The following FGD4 variants were observed in gnomAD, a reference collection of about 807,000 sequenced individuals.
FGD4 encodes the protein FYVE, RhoGEF and PH domain-containing protein 4.
A neutral mutation model predicts 102.0 loss-of-function variants in FGD4; 42 were observed. The ratio of observed to expected loss-of-function variants is 0.41; its 90% CI spans 0.32 to 0.53. FGD4 has a LOEUF of 0.53. Ranked by LOEUF, FGD4 falls within the 20% of genes least tolerant of loss-of-function variation. The pLI is 0.21. For missense variants in FGD4, 902 were observed against 1,078.2 expected (o/e 0.84, Z 2.29); for synonymous variants, 380 against 375.7 (o/e 1.01, Z -0.13).
Position 32,558,186 on chromosome 12 carries a change from C to T in FGD4, c.167-5951C>T, listed in dbSNP as rs78354438. 3.9e-3 allele frequency among the ~76,000 whole-genome samples: 592 copies of T among 152,292 alleles called. 2 individuals are homozygous for T. Among genetic ancestry groups the T allele is most frequent in the African/African-American group, 0.014 (566 of 41,558 alleles). ...AAGTGCTATGGTGCCAAAAGTCATG[C>T]AAGACAAATCTAAGTAATTCTCACA... On this transcript the variant is annotated intron_variant, in intron 1 of 16. Transcript: ENST00000534526.
At chr12:32,587,474 T>G (rs1411915951) in intron 4 of FGD4, among the ~76,000 whole-genome samples, 1 of 152,068 alleles carries the variant, frequency 6.6e-6, no homozygotes, top group Non-Finnish European at 1.5e-5. Context: ...CACTACAACC[T>G]CCACGTCCTA....
chr12:32,439,945 G>T (rs759829022), intron 1 of FGD4, among the ~76,000 whole-genome samples: 1 of 151,930 alleles, frequency 6.6e-6, no homozygotes, highest in Non-Finnish European at 1.5e-5. Context: ...GCTAATAAAA[G>T]ACCCTGATGC....
chr12:32,457,549 A>G (rs1942979918), intron 1 of FGD4, among the ~76,000 whole-genome samples: 1 of 152,206 alleles, frequency 6.6e-6, no homozygotes, highest in Non-Finnish European at 1.5e-5. Flanking sequence ...GCAAGAAAAG[A>G]CAGTTTGTCC....
intron 5 of FGD4, chr12:32,600,639 GA>G (rs1948361893): frequency 2.2e-5 from 5 of 224,636 alleles, no homozygotes; most frequent in Non-Finnish European, 4.1e-5. Flanking sequence ...TGTGTAGGAA[GA>G]GACTTTTCCC....
chr12:32,531,993 G>C (rs933357357), intron 1 of FGD4, among the ~76,000 whole-genome samples: 1 of 151,974 alleles, frequency 6.6e-6, no homozygotes, highest in African/African-American at 2.4e-5. Context: ...TTGATTTTTG[G>C]CTTTCATCTA....
intron 1 of FGD4, among the ~76,000 whole-genome samples, chr12:32,507,823 A>G (rs1938936135): frequency 6.6e-6 from 1 of 152,204 alleles, no homozygotes; most frequent in African/African-American, 2.4e-5. Flanking sequence ...GTGTTCAAAA[A>G]TTCAAGTTGT....
intron 1 of FGD4, among the ~76,000 whole-genome samples, chr12:32,443,491 C>T (rs951888054): frequency 1.3e-5 from 2 of 150,494 alleles, no homozygotes; most frequent in African/African-American, 2.4e-5. Context: ...GCTGGGACTA[C>T]AGGCATGCCA....
chr12:32,590,630 C>T (rs1461725807), intron 4 of FGD4, among the ~76,000 whole-genome samples: 2 of 152,166 alleles, frequency 1.3e-5, no homozygotes, highest in Admixed American at 1.3e-4. Context: ...CGCTTACTAG[C>T]TGTATGACTT....
intron 1 of FGD4, among the ~76,000 whole-genome samples, chr12:32,407,948 C>T (rs1941014161): frequency 6.6e-6 from 1 of 151,878 alleles, no homozygotes; most frequent in African/African-American, 2.4e-5. Context: ...TTCCCCTCCT[C>T]ACCCCCAATG....
intron 4 of FGD4, among the ~76,000 whole-genome samples, chr12:32,587,187 C>CAAAA (rs1181469038): frequency 1.9e-3 from 127 of 66,112 alleles, no homozygotes; most frequent in Middle Eastern, 7.7e-3. Flanking sequence ...GAGACTCTCT[C>CAAAA]AAAAAAAAAA....
intron 1 of FGD4, among the ~76,000 whole-genome samples, chr12:32,413,018 G>A (rs1357135083): frequency 6.7e-6 from 1 of 149,260 alleles, no homozygotes; most frequent in Admixed American, 6.7e-5. Context: ...CAAGGCTGCA[G>A]TGGAGCCATA....
chr12:32,435,220 T>G (rs1942188181), intron 1 of FGD4, among the ~76,000 whole-genome samples: 1 of 152,298 alleles, frequency 6.6e-6, no homozygotes, highest in African/African-American at 2.4e-5. Context: ...TGGGATTGAT[T>G]ACAGGTGTGA....
intron 3 of FGD4, among the ~76,000 whole-genome samples, chr12:32,579,133 G>A (rs887837573): frequency 1.6e-5 from 2 of 127,580 alleles, no homozygotes; most frequent in Admixed American, 9.9e-5. Context: ...CATGACCTCC[G>A]CCTCCCAGGT....
chr12:32,428,909 C>G (rs1037816803), intron 1 of FGD4, among the ~76,000 whole-genome samples: 2 of 152,156 alleles, frequency 1.3e-5, no homozygotes, highest in Non-Finnish European at 2.9e-5. Context: ...ACTAGTTATT[C>G]TAGTTAGCAA....
intron 1 of FGD4, among the ~76,000 whole-genome samples, chr12:32,528,970 A>T (rs1242694388): frequency 1.3e-5 from 2 of 152,212 alleles, no homozygotes; most frequent in Non-Finnish European, 2.9e-5. Context: ...ATATAAATAG[A>T]TGTTCAAGGA....
At position 32,608,104 on chromosome 12, in the gene FGD4, T is replaced by C. The variant is rs771720165; in HGVS notation, c.1543+9T>C. The stretch of plus-strand genomic sequence containing the variant: ...CTGGAATGATGCTAAAAGTAAATGC[T>C]TTTTTTTTGTTTTCTCCCTATTTTG... On this transcript the variant is annotated intron_variant, in intron 8 of 16. Coordinates refer to ENST00000534526, the MANE Select transcript of FGD4 (RefSeq NM_001370298.3). 3.1e-6 allele frequency: 5 copies of C among 1,595,450 alleles called. No homozygotes were observed. The highest frequency in any genetic ancestry group is 1.7e-4 in the Middle Eastern group (1 of 5,966).
Position 32,602,281 on chromosome 12 carries a change from T to A in FGD4, c.1368T>A (p.Arg456=). ...AMELVKNMTE[R]IPQFKSVVEE... ...AATTGGTTAAAAACATGACAGAACGTATTCCCCAGTTCAAATCAGTGGTTG... is the reference window on the plus strand; with the variant it reads ...AATTGGTTAAAAACATGACAGAACGAATTCCCCAGTTCAAATCAGTGGTTG... Residue 456 remains arginine, a synonymous_variant, in exon 7 of 17, where the codon CGT becomes CGA. Coordinates refer to ENST00000534526, the MANE Select transcript of FGD4 (RefSeq NM_001370298.3). The A allele has an allele frequency of 6.2e-7, 1 of 1,614,150 alleles. No homozygotes were observed. Among genetic ancestry groups the A allele is most frequent in the South Asian group, 1.1e-5 (1 of 91,088 alleles).
chr12:32,606,155 G>A (rs1459601225), intron 7 of FGD4, among the ~76,000 whole-genome samples: 2 of 151,974 alleles, frequency 1.3e-5, no homozygotes, highest in African/African-American at 2.4e-5. Flanking sequence ...ATAGATTTTG[G>A]GAAAACCCAA....
chr12:32,448,715 G>A (rs547298031), intron 1 of FGD4, among the ~76,000 whole-genome samples: 114 of 144,354 alleles, frequency 7.9e-4, no homozygotes, highest in African/African-American at 2.7e-3. Flanking sequence ...AGGAATGTGT[G>A]TTTAGCAGGG....
Sources: gnomAD v4.1 joint callset for allele counts (sites outside exome capture counted in the v4.1 genomes callset) on GRCh38, gnomAD v4.1.1 for gene constraint, MANE v1.5 for transcripts, NCBI Gene and HGNC (gene_info 2026-07-23, HGNC 2026-07-21) for gene names.